Variants in SH2D4B observed in about 807,000 individuals in gnomAD.
SH2D4B encodes SH2 domain-containing protein 4B.
A neutral mutation model predicts 61.5 loss-of-function variants in SH2D4B; 45 were observed. The observed-to-expected ratio is 0.73, with a 90% CI of 0.58 to 0.94. The LOEUF (loss-of-function observed/expected upper bound fraction) is 0.94, where lower values mean the gene tolerates loss of function less well. Ranked by LOEUF, SH2D4B falls within the 40% of genes least tolerant of loss-of-function variation. The pLI is 0.00. For synonymous variants in SH2D4B, 224 were observed against 220.4 expected, an observed-to-expected ratio of 1.02 and a Z score of -0.14; for missense variants, 572 against 574.2, an observed-to-expected ratio of 1.00 and a Z score of 0.04.
chr10:80,641,372 T>C (rs1245974139), intron 7 of SH2D4B, among the ~76,000 whole-genome samples: 3 of 152,250 alleles, frequency 2.0e-5, no homozygotes, highest in Non-Finnish European at 4.4e-5. Flanking sequence ...TCTGCTGCCA[T>C]TTGTTCAGCT....
chr10:80,592,980 A>G (rs1842348750), intron 4 of SH2D4B, among the ~76,000 whole-genome samples: 1 of 151,850 alleles, frequency 6.6e-6, no homozygotes. Flanking sequence ...TGGCCTCCCT[A>G]AGTGCTGGGA....
chr10:80,571,567 G>C lies in SH2D4B; in HGVS notation c.484G>C (p.Glu162Gln), dbSNP rs1289147542. ...CAAAGTCCTGGAGGAACGCATCCACGAGGAATTCAAGGTGGGCCAGCGCAT... is the reference window on the plus strand; with the variant it reads ...CAAAGTCCTGGAGGAACGCATCCACCAGGAATTCAAGGTGGGCCAGCGCAT... ...AAKVLEERIH[E>Q]EFKRKEEEER... The change falls in exon 3 of 8, where the codon GAG becomes CAG. Residue 162 changes from glutamate (E) to glutamine (Q), a missense_variant. Glu to Gln is a conservative substitution (Grantham distance 29). Transcript: ENST00000646907. 1 of 1,613,698 alleles carries C rather than the reference G, an allele frequency of 6.2e-7. No homozygotes were observed. The highest frequency in any genetic ancestry group is 8.5e-7 in the Non-Finnish European group (1 of 1,179,978).
intron 3 of SH2D4B, among the ~76,000 whole-genome samples, chr10:80,584,145 G>T (rs1311261515): frequency 6.6e-6 from 1 of 152,230 alleles, no homozygotes; most frequent in Non-Finnish European, 1.5e-5. Context: ...ACAAGACTCA[G>T]AAAGTGTCTC....
intron 7 of SH2D4B, among the ~76,000 whole-genome samples, chr10:80,643,591 T>A (rs1840343362): frequency 6.6e-6 from 1 of 151,886 alleles, no homozygotes; most frequent in African/African-American, 2.4e-5. Flanking sequence ...TGTCTGAACT[T>A]TTTGGGTCTC....
intron 6 of SH2D4B, among the ~76,000 whole-genome samples, chr10:80,617,530 A>G (rs17107397): frequency 0.086 from 13,149 of 152,292 alleles, 779 homozygotes; most frequent in African/African-American, 0.15. Flanking sequence ...ATTACTGTCA[A>G]GTTTGTGTTG....
chr10:80,609,301 C>T, intron 5 of SH2D4B, 123 bp from the exon 6 acceptor site: 1 of 955,958 alleles, frequency 1.0e-6, no homozygotes. Flanking sequence ...TTCTTCCACC[C>T]CCCCTTCCTC....
chr10:80,642,706 A>G (rs1024419191), intron 7 of SH2D4B, among the ~76,000 whole-genome samples: 5 of 152,180 alleles, frequency 3.3e-5, no homozygotes, highest in African/African-American at 1.2e-4. Flanking sequence ...CCGATTTTTC[A>G]TGATCTTGAA....
chr10:80,625,475 T>A (rs1013780770), intron 6 of SH2D4B, among the ~76,000 whole-genome samples: 1 of 152,208 alleles, frequency 6.6e-6, no homozygotes, highest in African/African-American at 2.4e-5. Flanking sequence ...ATGATGTAAA[T>A]GCTATGTAAA....
At chr10:80,618,622 A>C (rs992447152) in intron 6 of SH2D4B, among the ~76,000 whole-genome samples, 1 of 152,186 alleles carries the variant, frequency 6.6e-6, no homozygotes, top group Non-Finnish European at 1.5e-5. Flanking sequence ...GGCGGTCAGA[A>C]AGGAAAGTCA....
At chr10:80,619,897 G>A (rs758244880) in intron 6 of SH2D4B, among the ~76,000 whole-genome samples, 10 of 152,188 alleles carry the variant, frequency 6.6e-5, no homozygotes, top group African/African-American at 9.6e-5. Flanking sequence ...GCACACTTCC[G>A]TTTTGCAGAT....
chr10:80,565,964 G>A (rs548002201), intron 1 of SH2D4B, among the ~76,000 whole-genome samples: 7 of 151,870 alleles, frequency 4.6e-5, no homozygotes, highest in East Asian at 2.0e-4. Flanking sequence ...GGTGTTGGGC[G>A]CCTATAATCC....
Position 80,573,126 on chromosome 10 carries a change from A to C in SH2D4B, c.495+1548A>C, listed in dbSNP as rs189758708. Among the ~76,000 whole-genome samples the C allele has an allele frequency of 3.2e-3, 452 of 141,520 alleles. 1 individual carries two copies. The highest frequency in any genetic ancestry group is 0.012 in the African/African-American group (437 of 37,792). The allele number at this position is 141,520 out of a possible 152,430, so 92.8% of individuals were successfully genotyped here. A position where few individuals can be genotyped will look rare whatever the true frequency, so the allele number is the denominator to read the frequency against. ...TAGCCTCCTGAGTAGCTGGGACTAC[A>C]GGCGCCCGCCACCGCGCCCGGCTAA... On this transcript the variant is annotated intron_variant, in intron 3 of 7. Transcript: ENST00000646907.
intron 3 of SH2D4B, among the ~76,000 whole-genome samples, chr10:80,579,204 G>A (rs17107064): frequency 0.057 from 8,620 of 152,090 alleles, 613 homozygotes; most frequent in East Asian, 0.32. Flanking sequence ...GGCAGGTTCT[G>A]CTAATTCTCC....
intron 1 of SH2D4B, among the ~76,000 whole-genome samples, chr10:80,560,313 A>C (rs1192533049): frequency 6.6e-6 from 1 of 151,624 alleles, no homozygotes; most frequent in Non-Finnish European, 1.5e-5. Context: ...TTTATTTTTT[A>C]AAGTAAGGCT....
chr10:80,629,922 C>A (rs545160275), intron 6 of SH2D4B, among the ~76,000 whole-genome samples: 1 of 152,150 alleles, frequency 6.6e-6, no homozygotes, highest in African/African-American at 2.4e-5. Context: ...GCTGCAGAAT[C>A]CCTGCCAATG....
At chr10:80,630,925 T>A (rs1304073875) in intron 6 of SH2D4B, among the ~76,000 whole-genome samples, 2 of 152,194 alleles carry the variant, frequency 1.3e-5, no homozygotes, top group African/African-American at 4.8e-5. Context: ...CTGCTGGAAG[T>A]CAGGGGAAGC....
intron 1 of SH2D4B, among the ~76,000 whole-genome samples, chr10:80,567,269 A>G (rs1841981863): frequency 6.6e-6 from 1 of 152,206 alleles, no homozygotes; most frequent in Non-Finnish European, 1.5e-5. Flanking sequence ...ACATGGTCCC[A>G]CTGTACTGAA....
intron 4 of SH2D4B, among the ~76,000 whole-genome samples, chr10:80,602,973 G>T (rs1348310898): frequency 6.6e-6 from 1 of 152,094 alleles, no homozygotes; most frequent in Non-Finnish European, 1.5e-5. Flanking sequence ...ATTTACTTTG[G>T]GCTAGTTACT....
chr10:80,551,488 G>C (rs1841760952), intron 1 of SH2D4B, among the ~76,000 whole-genome samples: 1 of 151,948 alleles, frequency 6.6e-6, no homozygotes, highest in Non-Finnish European at 1.5e-5. Flanking sequence ...ATAATGAAGT[G>C]CTCCAAATCA....
Sources: gnomAD v4.1 joint callset for allele counts (sites outside exome capture counted in the v4.1 genomes callset) on GRCh38, gnomAD v4.1.1 for gene constraint, MANE v1.5 for transcripts, NCBI Gene and HGNC (gene_info 2026-07-23, HGNC 2026-07-21) for gene names.